NR6A1: variants seen among roughly 807,000 people sequenced by gnomAD.
NR6A1 encodes the protein nuclear receptor subfamily 6 group A member 1.
A neutral mutation model predicts 59.1 loss-of-function variants in NR6A1; 7 were observed. The ratio of observed to expected loss-of-function variants is 0.12; its 90% CI spans 0.07 to 0.22. NR6A1 has a LOEUF of 0.22. NR6A1 is among the 10% of genes least tolerant of loss of function. NR6A1 has a pLI of 1.00. For synonymous variants in NR6A1, 243 were observed against 236.1 expected (o/e 1.03, Z -0.27); for missense variants, 468 against 611.6 (o/e 0.77, Z 2.48).
intron 2 of NR6A1, among the ~76,000 whole-genome samples, chr9:124,659,438 A>G (rs1011856180): frequency 1.3e-5 from 2 of 152,230 alleles, no homozygotes; most frequent in African/African-American, 2.4e-5. Context: ...CTAGTGAGGG[A>G]GAGAAGTATG....
intron 2 of NR6A1, chr9:124,599,012 G>A (rs1191430462): frequency 1.3e-6 from 1 of 742,146 alleles, no homozygotes; most frequent in Admixed American, 1.8e-5. Context: ...AATCTTCAGG[G>A]TCTTGTCCCT....
intron 2 of NR6A1, among the ~76,000 whole-genome samples, chr9:124,722,046 T>C (rs759989834): frequency 1.3e-5 from 2 of 152,228 alleles, no homozygotes; most frequent in Non-Finnish European, 2.9e-5. Flanking sequence ...ATATTAGCTA[T>C]CCTTACTATT....
chr9:124,591,057 T>C (rs780829168), intron 2 of NR6A1, among the ~76,000 whole-genome samples: 1 of 152,228 alleles, frequency 6.6e-6, no homozygotes, highest in Non-Finnish European at 1.5e-5. Context: ...GCTCAGCAGC[T>C]GGCCCCACTG....
chr9:124,711,158 A>T (rs1353869449), intron 2 of NR6A1, among the ~76,000 whole-genome samples: 1 of 138,632 alleles, frequency 7.2e-6, no homozygotes, highest in Admixed American at 7.5e-5. Flanking sequence ...AGTTAAGTAG[A>T]TTTTTACATG....
intron 1 of NR6A1, among the ~76,000 whole-genome samples, chr9:124,768,271 G>A (rs1840995109): frequency 6.6e-6 from 1 of 152,094 alleles, no homozygotes; most frequent in South Asian, 2.1e-4. Context: ...ATAGAAATCA[G>A]TCACTAGGAG....
intron 2 of NR6A1, among the ~76,000 whole-genome samples, chr9:124,670,522 C>T (rs1204378188): frequency 6.7e-6 from 1 of 149,232 alleles, no homozygotes; most frequent in Non-Finnish European, 1.5e-5. Flanking sequence ...TTATTATATT[C>T]TGACATTATG....
Position 124,771,097 on chromosome 9 carries a change from G to A in NR6A1, c.23C>T (p.Pro8Leu). MERDEPP[P>L]SGGGGGGGSA... ...GCCCCCGCCGCCTCCCCCTCCGCTA[G>A]GCGGCGGTTCGTCCCGCTCCATGCG... Residue 8 changes from proline (P) to leucine (L), a missense_variant, in exon 1 of 10, where the codon CCT becomes CTT. Physicochemically the swap from Pro to Leu is moderately conservative, Grantham distance 98. Coordinates refer to ENST00000487099, the MANE Select transcript of NR6A1 (RefSeq NM_033334.4). The A allele has an allele frequency of 1.6e-6, 2 of 1,230,318 alleles. No individual in the cohort carries two copies. Among genetic ancestry groups the A allele is most frequent in the Non-Finnish European group, 2.0e-6 (2 of 986,788 alleles). 76.2% of individuals were successfully genotyped at this position (1,230,318 alleles called of 1,614,324 possible).
chr9:124,666,249 T>C (rs1275671171), intron 2 of NR6A1, among the ~76,000 whole-genome samples: 1 of 151,488 alleles, frequency 6.6e-6, no homozygotes, highest in Non-Finnish European at 1.5e-5. Context: ...TGACCTAGAT[T>C]TTGGCGGAAT....
intron 6 of NR6A1, 76 bp from the exon 7 acceptor site, chr9:124,536,208 C>T: frequency 1.3e-6 from 2 of 1,524,114 alleles, no homozygotes; most frequent in Non-Finnish European, 1.8e-6. Flanking sequence ...GAAGGTAGTC[C>T]CAAGGGCACA....
chr9:124,648,920 T>C (rs1244372284), intron 2 of NR6A1, among the ~76,000 whole-genome samples: 12 of 151,388 alleles, frequency 7.9e-5, no homozygotes. Flanking sequence ...ATCTCGACAA[T>C]GAAAACTATA....
intron 2 of NR6A1, chr9:124,599,152 T>C: frequency 1.6e-6 from 1 of 611,648 alleles, no homozygotes; most frequent in East Asian, 3.4e-5. Context: ...TTTTAAAAAG[T>C]TCCTCTTTGG....
chr9:124,613,497 TA>T (rs1350417214), intron 2 of NR6A1, among the ~76,000 whole-genome samples: 2 of 151,352 alleles, frequency 1.3e-5, no homozygotes, highest in South Asian at 4.2e-4. Context: ...TAAATAAAAA[TA>T]AAAAACACAA....
intron 7 of NR6A1, among the ~76,000 whole-genome samples, chr9:124,528,423 GGGTGT>G (rs374436848): frequency 6.6e-6 from 1 of 152,262 alleles, no homozygotes; most frequent in East Asian, 1.9e-4. Flanking sequence ...TATAATGGCT[GGGTGT>G]GGTGGCTCAC....
chr9:124,636,977 A>G (rs1836627039), intron 2 of NR6A1, among the ~76,000 whole-genome samples: 1 of 152,222 alleles, frequency 6.6e-6, no homozygotes, highest in Non-Finnish European at 1.5e-5. Flanking sequence ...TTCCTCTAGA[A>G]TCTGGAGGGA....
At chr9:124,753,724 A>G (rs1326617311) in intron 1 of NR6A1, among the ~76,000 whole-genome samples, 1 of 152,230 alleles carries the variant, frequency 6.6e-6, no homozygotes, top group African/African-American at 2.4e-5. Flanking sequence ...ACCTTTTTAG[A>G]GACCTCCAGA....
chr9:124,641,380 G>C (rs1217880413), intron 2 of NR6A1, among the ~76,000 whole-genome samples: 1 of 150,008 alleles, frequency 6.7e-6, no homozygotes, highest in African/African-American at 2.4e-5. Context: ...AAAAAGAAAA[G>C]AAGGAAAAGA....
chr9:124,728,496 G>A (rs537600970), intron 2 of NR6A1, among the ~76,000 whole-genome samples: 72 of 152,032 alleles, frequency 4.7e-4, no homozygotes, highest in Non-Finnish European at 8.1e-4. Flanking sequence ...TTAGCTGGGC[G>A]CAGTGGCAGG....
chr9:124,542,822 T>C (rs533040741), intron 4 of NR6A1, among the ~76,000 whole-genome samples: 2 of 152,314 alleles, frequency 1.3e-5, no homozygotes, highest in Admixed American at 1.3e-4. Context: ...CCACCCAAAG[T>C]GCTGGGATTA....
chr9:124,553,549 C>CTTTTTTTTTTGTT (rs1833840485), intron 3 of NR6A1, among the ~76,000 whole-genome samples: 4 of 47,324 alleles, frequency 8.5e-5, no homozygotes, highest in Non-Finnish European at 1.2e-4. Context: ...TTTAGCTTGA[C>CTTTTTTTTTTGTT]TTTTTTTTTT....
Sources: allele counts gnomAD v4.1 joint callset (sites outside exome capture counted in the v4.1 genomes callset), GRCh38; gene constraint gnomAD v4.1.1; transcripts MANE v1.5; gene names NCBI Gene and HGNC (gene_info 2026-07-23, HGNC 2026-07-21).